FASTK: variants seen among roughly 807,000 people sequenced by gnomAD.
FASTK encodes the protein Fas activated serine/threonine kinase.
In FASTK, 28 loss-of-function variants were observed where a neutral mutation model predicts 60.0. The ratio of observed to expected loss-of-function variants is 0.47; its 90% CI spans 0.35 to 0.64. The LOEUF (loss-of-function observed/expected upper bound fraction) is 0.64. FASTK is among the 30% of genes least tolerant of loss of function. The pLI is 0.01. For missense variants in FASTK, 595 were observed against 713.8 expected (o/e 0.83, Z 1.90); for synonymous variants, 325 against 307.9 (o/e 1.06, Z -0.58).
rs768336858 is a variant in FASTK at position 151,077,283 on chromosome 7, C to G, written c.1291+27G>C. The G allele has an allele frequency of 3.7e-6, 6 of 1,611,968 alleles. No individual in the cohort carries two copies. In the South Asian group the frequency reaches 5.5e-5, roughly 15 times the overall value. ...GGCCTTAGCCAGGGCTCCGTCTCCC[C>G]GGGCCTGCCGCCTGCCCCTTGCTCA... On this transcript the variant is annotated intron_variant, in intron 7 of 9. Coordinates refer to ENST00000297532, the MANE Select transcript of FASTK (RefSeq NM_006712.5).
chr7:151,079,949 G>A (rs759958106), intron 1 of FASTK, 27 bp from the exon 2 acceptor site: 18 of 1,538,722 alleles, frequency 1.2e-5, no homozygotes, highest in Non-Finnish European at 1.6e-5. Context: ...AAAAGGGGGT[G>A]AGGTTTTCTC....
At position 151,079,785 on chromosome 7, in the gene FASTK, C is replaced by G. The variant is rs748285652; in HGVS notation, c.220G>C (p.Gly74Arg). The stretch of plus-strand genomic sequence containing the variant: ...ACAGGACCTGCACTGGGGCCTCCTC[C>G]AACAGGCCGGTCCCCCCATTTGCTG... ...GPSKWGDRPV[G>R]GGPSAGPVQG... The change falls in exon 2 of 10, where the codon GGA (glycine) becomes CGA (arginine). Residue 74 changes from glycine to arginine, a missense_variant. By Grantham distance (125) the Gly-to-Arg change is moderately radical. Transcript: ENST00000297532. The G allele has an allele frequency of 6.2e-7, 1 of 1,600,600 alleles. No homozygotes were observed. The highest frequency in any genetic ancestry group is 1.7e-5 in the Admixed American group (1 of 58,662).
In FASTK at chr7:151,077,345, C is replaced by T. The variant is rs751845696; in HGVS notation, c.1256G>A (p.Arg419His). The change falls in exon 7 of 10, where the codon CGC becomes CAC. Residue 419 changes from arginine (R) to histidine (H), a missense_variant. Transcript: ENST00000297532. ...LRQLLGEEKY[R>H]QDLTVPPGYC... ...GCCTGGAGGCACAGTCAGGTCCTGGCGGTATTTCTCCTCCCCCAGCAGCTG... is the reference window on the plus strand; with the variant it reads ...GCCTGGAGGCACAGTCAGGTCCTGGTGGTATTTCTCCTCCCCCAGCAGCTG... 8 of 1,612,886 alleles carry T rather than the reference C, an allele frequency of 5.0e-6. No individual in the cohort carries two copies. The highest frequency in any genetic ancestry group is 1.6e-4 in the Middle Eastern group (1 of 6,084).
At position 151,076,805 on chromosome 7, in the gene FASTK, T is replaced by G. The variant is rs752829881; in HGVS notation, c.1570A>C (p.Arg524=). 6.2e-7 allele frequency: 1 copy of G among 1,612,428 alleles called. No individual in the cohort carries two copies. The highest frequency in any genetic ancestry group is 8.5e-7 in the Non-Finnish European group (1 of 1,179,470). The change falls in exon 10 of 10, where the codon AGA becomes CGA. Residue 524 remains arginine, a synonymous_variant. Coordinates refer to ENST00000297532, the MANE Select transcript of FASTK (RefSeq NM_006712.5). ...TAGCTCTTGAGCTGGGGCAGGCCTCTCTGGGACTCCAGTTCCTCGAAGGGT... is the reference window on the plus strand; with the variant it reads ...TAGCTCTTGAGCTGGGGCAGGCCTCGCTGGGACTCCAGTTCCTCGAAGGGT... The part of the protein sequence containing the change: ...PLPFEELESQ[R]GLPQLKSYLR...
Position 151,076,773 on chromosome 7 carries a change from C to T in FASTK, c.1602G>A (p.Arg534=), listed in dbSNP as rs1416802399. ...RGLPQLKSYL[R]QKLQALGLRW... ...GCAGGCCCAGGGCCTGGAGCTTCTG[C>T]CTCAGGTAGCTCTTGAGCTGGGGCA... The change falls in exon 10 of 10, where the codon AGG becomes AGA. Residue 534 remains arginine, a synonymous_variant. Coordinates refer to ENST00000297532, the MANE Select transcript of FASTK (RefSeq NM_006712.5). 13 of 1,611,830 alleles carry T rather than the reference C, an allele frequency of 8.1e-6. No individual in the cohort carries two copies. Among genetic ancestry groups the T allele is most frequent in the African/African-American group, 1.3e-5 (1 of 74,920 alleles).
At chr7:151,079,960 C>T (rs912679493) in intron 1 of FASTK, 38 bp from the exon 2 acceptor site, 1 of 1,508,158 alleles carries the variant, frequency 6.6e-7, no homozygotes, top group Non-Finnish European at 9.0e-7. Flanking sequence ...AGGTTTTCTC[C>T]AAAGGGGAGA....
chr7:151,078,644 G>A lies in FASTK; in HGVS notation c.743C>T (p.Ala248Val), dbSNP rs1797805549. 3 of 1,613,172 alleles carry A rather than the reference G, an allele frequency of 1.9e-6. No individual in the cohort carries two copies. The highest frequency in any genetic ancestry group is 1.7e-5 in the Admixed American group (1 of 59,996). ...HVMVLLAQHL[A>V]RHRLREPQLL... Reference sequence around the variant, plus strand: ...CTGGGGCTCCCGCAACCGGTGCCGGGCCAGGTGCTGGGCCAGGAGCACCAT... The same window carrying A: ...CTGGGGCTCCCGCAACCGGTGCCGGACCAGGTGCTGGGCCAGGAGCACCAT... The change falls in exon 4 of 10, where the codon GCC (alanine) becomes GTC (valine). Residue 248 changes from alanine (A) to valine (V), a missense_variant. By Grantham distance (64) the Ala-to-Val change is moderately conservative. Coordinates refer to ENST00000297532, the MANE Select transcript of FASTK (RefSeq NM_006712.5).
At chr7:151,079,045 G>C in intron 2 of FASTK, 24 bp from the exon 3 acceptor site, 2 of 1,438,134 alleles carry the variant, frequency 1.4e-6, no homozygotes, top group Non-Finnish European at 1.8e-6. Context: ...GTAAAAGGCA[G>C]CCTGGTAACA....
At chr7:151,079,976 C>T in intron 1 of FASTK, 54 bp from the exon 2 acceptor site, 2 of 1,408,044 alleles carry the variant, frequency 1.4e-6, no homozygotes, top group East Asian at 2.5e-5. Context: ...GGAGAAAGAC[C>T]TGCTACCTAC....
chr7:151,079,627 C>A lies in FASTK; in HGVS notation c.378G>T (p.Gly126=). The change falls in exon 2 of 10, where the codon GGG becomes GGT. Residue 126 remains glycine (G), a synonymous_variant. Coordinates refer to ENST00000297532, the MANE Select transcript of FASTK (RefSeq NM_006712.5). ...VALRRLGQLL[G]SRPRPPPVEQ... ...CCACAGGAGGGGGCCGTGGCCGAGA[C>A]CCCAAGAGCTGGCCCAGACGACGAA... 6.2e-7 allele frequency: 1 copy of A among 1,613,712 alleles called. No individual in the cohort carries two copies. The highest frequency in any genetic ancestry group is 8.5e-7 in the Non-Finnish European group (1 of 1,179,962).
chr7:151,079,250 T>TA (rs944645149), intron 2 of FASTK: 2 of 586,012 alleles, frequency 3.4e-6, no homozygotes, highest in African/African-American at 3.7e-5. Context: ...TTTCATCTCA[T>TA]ACCAATTGTG....
Position 151,079,763 on chromosome 7 carries a change from G to C in FASTK, c.242C>G (p.Pro81Arg), listed in dbSNP as rs1269849368. 1 of 1,601,492 alleles carries C rather than the reference G, an allele frequency of 6.2e-7. No individual in the cohort carries two copies. The change falls in exon 2 of 10, where the codon CCT (proline) becomes CGT (arginine). Residue 81 changes from proline to arginine, a missense_variant. Pro to Arg is a moderately radical substitution (Grantham distance 103). Around this residue, in one of 2 missense-constraint regions of FASTK, gnomAD observed 124 missense variants for 107.9 expected, o/e 1.15. Coordinates refer to ENST00000297532, the MANE Select transcript of FASTK (RefSeq NM_006712.5). ...RPVGGGPSAG[P>R]VQGLQRLLEQ... Reference sequence around the variant, plus strand: ...CAGAAGCCGCTGCAGTCCTTGCACAGGACCTGCACTGGGGCCTCCTCCAAC... The same window carrying C: ...CAGAAGCCGCTGCAGTCCTTGCACACGACCTGCACTGGGGCCTCCTCCAAC...
rs371380337 is a variant in FASTK at position 151,076,990 on chromosome 7, G to T, written c.1465C>A (p.Arg489=). The T allele has an allele frequency of 1.9e-6, 3 of 1,612,452 alleles. No individual in the cohort carries two copies. The highest frequency in any genetic ancestry group is 1.3e-5 in the African/African-American group (1 of 75,066). ...LVLRERWHFC[R]DGRVLLGSRA... ...GAGCCCAGCAGCACCCGGCCGTCCCGGCAGAAATGCCAGCGTTCCCGCAAC... is the reference window on the plus strand; with the variant it reads ...GAGCCCAGCAGCACCCGGCCGTCCCTGCAGAAATGCCAGCGTTCCCGCAAC... The change falls in exon 9 of 10, where the codon CGG becomes AGG. Residue 489 remains arginine (R), a synonymous_variant. Transcript: ENST00000297532.
chr7:151,078,141 C>A, intron 4 of FASTK, 49 bp from the exon 5 acceptor site: 2 of 1,398,112 alleles, frequency 1.4e-6, no homozygotes, highest in South Asian at 1.3e-5. Flanking sequence ...TTTCTGCAGT[C>A]ATCTTTTACA....
chr7:151,080,270 G>A (rs1797915907), intron 1 of FASTK: 2 of 363,880 alleles, frequency 5.5e-6, no homozygotes, highest in Non-Finnish European at 9.8e-6. Flanking sequence ...TAAGCCCGAG[G>A]TCATTAACCG....
chr7:151,079,188 A>G, intron 2 of FASTK, 167 bp from the exon 3 acceptor site: 1 of 640,828 alleles, frequency 1.6e-6, no homozygotes, highest in East Asian at 3.0e-5. Context: ...TCATGTGGCT[A>G]TGAGGTATCG....
intron 1 of FASTK, 149 bp downstream of exon 1, chr7:151,080,536 A>G: frequency 4.6e-6 from 6 of 1,299,886 alleles, no homozygotes; most frequent in Non-Finnish European, 5.9e-6. Context: ...GTGGAGCCCG[A>G]GTGCACCGCT....
chr7:151,078,529 A>G, intron 4 of FASTK, 33 bp downstream of exon 4: 2 of 1,603,750 alleles, frequency 1.2e-6, no homozygotes, highest in Non-Finnish European at 1.7e-6. Flanking sequence ...TGAGAATGAC[A>G]GAGATGCACT....
rs773266382 is a variant in FASTK, at chr7:151,079,797, C to G, written c.208G>C (p.Asp70His). Residue 70 changes from aspartate to histidine, a missense_variant, in exon 2 of 10, where the codon GAC becomes CAC. By Grantham distance (81) the Asp-to-His change is moderately conservative. This residue lies in a region of FASTK where 124 missense variants were observed against 107.9 expected (regional missense o/e 1.15). Transcript: ENST00000297532. ...PCCLGPSKWG[D>H]RPVGGGPSAG... ...CTGGGGCCTCCTCCAACAGGCCGGTCCCCCCATTTGCTGGGCCCCAAACAG... is the reference window on the plus strand; with the variant it reads ...CTGGGGCCTCCTCCAACAGGCCGGTGCCCCCATTTGCTGGGCCCCAAACAG... 10 of 1,600,302 alleles carry G rather than the reference C, an allele frequency of 6.2e-6. No individual in the cohort carries two copies. In the South Asian group the frequency reaches 1.0e-4, roughly 16 times the overall value.
Sources: gnomAD v4.1 joint callset for allele counts on GRCh38, gnomAD v4.1.1 for gene constraint, gnomAD v4.1.1 regional missense constraint, MANE v1.5 for transcripts, NCBI Gene and HGNC (gene_info 2026-07-23, HGNC 2026-07-21) for gene names.